The following TRMT10B variants were observed in gnomAD, a reference collection of about 807,000 sequenced individuals.
TRMT10B encodes the protein tRNA methyltransferase 10 homolog B.
Under a neutral mutation model 43.8 loss-of-function variants are expected in TRMT10B, and 33 were observed. The observed-to-expected ratio is 0.75, with a 90% CI of 0.57 to 1.01. TRMT10B has a LOEUF of 1.01. Ranked by LOEUF, TRMT10B falls within the 50% of genes least tolerant of loss-of-function variation. The probability of loss-of-function intolerance (pLI) is 0.00; values close to 1 mark genes in which losing one functional copy is unlikely to be tolerated. For synonymous variants in TRMT10B, 137 were observed against 130.6 expected, an observed-to-expected ratio of 1.05 and a Z score of -0.34; for missense variants, 362 against 369.8, an observed-to-expected ratio of 0.98 and a Z score of 0.17.
At chr9:37,754,447 T>C (rs1588993266) in intron 1 of TRMT10B, among the ~76,000 whole-genome samples, 1 of 152,170 alleles carries the variant, frequency 6.6e-6, no homozygotes, top group East Asian at 1.9e-4. Context: ...ACCTTAGTGA[T>C]CTGCATAGGT....
upstream of TRMT10B, among the ~76,000 whole-genome samples, chr9:37,753,258 A>C (rs1458518625): frequency 6.6e-6 from 1 of 152,356 alleles, no homozygotes; most frequent in Middle Eastern, 3.4e-3. Flanking sequence ...CAGTGAGACC[A>C]AGAATCCACC....
chr9:37,770,561 G>A, intron 6 of TRMT10B, 111 bp from the exon 7 acceptor site: 1 of 1,029,070 alleles, frequency 9.7e-7, no homozygotes, highest in Non-Finnish European at 1.4e-6. Context: ...GTTTCTTTTT[G>A]TTTTCTACTG....
chr9:37,762,781 A>G, intron 3 of TRMT10B, 96 bp downstream of exon 3: 1 of 1,401,352 alleles, frequency 7.1e-7, no homozygotes, highest in Non-Finnish European at 9.5e-7. Context: ...ATAAGTAAAA[A>G]GCATCTGGGA....
In TRMT10B at chr9:37,762,491, GAAAA is replaced by G. The variant is rs1398644219; in HGVS notation, c.187-83_187-80del. The G allele has an allele frequency of 4.0e-6, 6 of 1,493,634 alleles. No homozygotes were observed. In the East Asian group the frequency reaches 1.5e-4, roughly 37 times the overall value. 92.5% of individuals were successfully genotyped at this position (1,493,634 alleles called of 1,614,324 possible). A position where few individuals can be genotyped will look rare whatever the true frequency, so the allele number is the denominator to read the frequency against. On this transcript the variant is annotated intron_variant, in intron 2 of 8. Transcript: ENST00000297994. ...CTCTCCAAACTATATATATAAATAAGAAAAAAGCAAATGTTTCTAATGTTCATTT... is the reference window on the plus strand; with the variant it reads ...CTCTCCAAACTATATATATAAATAAGAAGCAAATGTTTCTAATGTTCATTT...
rs1828395269 is a variant in TRMT10B, at chr9:37,778,274, T to C, written c.*567T>C. Reference sequence around the variant, plus strand: ...GCTCACGCCTGTAATCCCAGCACTTTGGGAGGCTGAGGTGAGTGGATTACA... The same window carrying C: ...GCTCACGCCTGTAATCCCAGCACTTCGGGAGGCTGAGGTGAGTGGATTACA... On this transcript the variant is annotated 3_prime_UTR_variant, in exon 9 of 9. Transcript: ENST00000297994. 1 of 152,470 alleles carries C rather than the reference T, an allele frequency of 6.6e-6. No individual in the cohort carries two copies. The highest frequency in any genetic ancestry group is 2.1e-4 in the South Asian group (1 of 4,848). 9.4% of individuals were successfully genotyped at this position (152,470 alleles called of 1,614,324 possible).
intron 8 of TRMT10B, 68 bp downstream of exon 8, chr9:37,776,473 G>GC: frequency 6.6e-7 from 1 of 1,510,648 alleles, no homozygotes; most frequent in Non-Finnish European, 8.8e-7. Flanking sequence ...CTGTGTTTAA[G>GC]TGGCCTTTGA....
At chr9:37,777,395 T>TCCATTCA (rs2118950886) in intron 8 of TRMT10B, among the ~76,000 whole-genome samples, 1 of 150,348 alleles carries the variant, frequency 6.7e-6, no homozygotes, top group Admixed American at 6.7e-5. Flanking sequence ...TTGCACCCTA[T>TCCATTCA]CCATTCATAG....
Position 37,778,159 on chromosome 9 carries a change from T to C in TRMT10B, c.*452T>C, listed in dbSNP as rs1481968812. The C allele has an allele frequency of 1.2e-5, 2 of 160,530 alleles. No individual in the cohort carries two copies. The highest frequency in any genetic ancestry group is 4.8e-5 in the African/African-American group (2 of 41,494). The allele number at this position is 160,530 out of a possible 1,614,324, so 9.9% of individuals were successfully genotyped here. ...CTTCACAATAATGTCAGGGACCACA[T>C]TTAATGCTTTTTAATCTCCCATAGT... On this transcript the variant is annotated 3_prime_UTR_variant, in exon 9 of 9. Transcript: ENST00000297994.
chr9:37,777,560 T>TC (rs1194558883), intron 8 of TRMT10B, 41 bp from the exon 9 acceptor site: 3 of 1,490,752 alleles, frequency 2.0e-6, no homozygotes, highest in Admixed American at 3.4e-5. Flanking sequence ...GTTCTTTTTT[T>TC]CCCTCTGTGG....
At chr9:37,762,542 G>A in intron 2 of TRMT10B, 35 bp from the exon 3 acceptor site, 1 of 1,549,252 alleles carries the variant, frequency 6.5e-7, no homozygotes, top group Non-Finnish European at 8.7e-7. Context: ...TGCTTATGAA[G>A]TTCTCAAACA....
Position 37,767,970 on chromosome 9 carries a change from G to T in TRMT10B, c.421-106G>T, listed in dbSNP as rs975818405. 4 of 1,264,096 alleles carry T rather than the reference G, an allele frequency of 3.2e-6. No individual in the cohort carries two copies. The East Asian group carries it at 9.3e-5, about 29-fold the overall frequency. The allele number at this position is 1,264,096 out of a possible 1,614,324, so 78.3% of individuals were successfully genotyped here. A position where few individuals can be genotyped will look rare whatever the true frequency, so the allele number is the denominator to read the frequency against. On this transcript the variant is annotated intron_variant, in intron 4 of 8. Coordinates refer to ENST00000297994, the MANE Select transcript of TRMT10B (RefSeq NM_144964.4). ...GCACACATGTACTCCTAGTACATGG[G>T]GTTTTCTGGAGTAGCGTTCAGTGAA...
intron 5 of TRMT10B, 79 bp downstream of exon 5, chr9:37,768,307 CAT>C (rs1827203266): frequency 1.2e-5 from 17 of 1,425,372 alleles, no homozygotes; most frequent in Non-Finnish European, 1.6e-5. Context: ...TTTACTTTTT[CAT>C]ATATGTTACA....
intron 1 of TRMT10B, among the ~76,000 whole-genome samples, chr9:37,757,346 G>A (rs1433712541): frequency 2.6e-5 from 4 of 152,120 alleles, no homozygotes; most frequent in Non-Finnish European, 4.4e-5. Flanking sequence ...AAAGTGCTGC[G>A]ATTACAGGCA....
intron 7 of TRMT10B, among the ~76,000 whole-genome samples, chr9:37,773,956 T>TA (rs544100530): frequency 0.47 from 60,545 of 127,546 alleles, 14,040 homozygotes; most frequent in Middle Eastern, 0.59. Flanking sequence ...ACCCTGTCTC[T>TA]AAAAAAAAAA....
chr9:37,754,929 GAT>G (rs1314006204), intron 1 of TRMT10B, among the ~76,000 whole-genome samples: 1 of 151,972 alleles, frequency 6.6e-6, no homozygotes, highest in Non-Finnish European at 1.5e-5. Context: ...AAATTCATAA[GAT>G]AGGAAATACA....
intron 1 of TRMT10B, among the ~76,000 whole-genome samples, chr9:37,755,782 AGAAAG>A (rs373882896): frequency 1.7e-4 from 26 of 152,336 alleles, no homozygotes; most frequent in African/African-American, 4.8e-4. Flanking sequence ...GGAGGGGAAA[AGAAAG>A]GAAGGGAGTG....
At chr9:37,763,602 T>C (rs1028170897) in intron 3 of TRMT10B, 27 bp from the exon 4 acceptor site, 3 of 1,600,742 alleles carry the variant, frequency 1.9e-6, no homozygotes, top group Non-Finnish European at 2.6e-6. Flanking sequence ...TTTCCACTTT[T>C]ATTTCTTTCT....
Position 37,770,655 on chromosome 9 carries a change from CTTCA to C in TRMT10B, c.653-14_653-11del. 2 of 1,610,136 alleles carry C rather than the reference CTTCA, an allele frequency of 1.2e-6. No homozygotes were observed. Among genetic ancestry groups the C allele is most frequent in the Middle Eastern group, 1.7e-4 (1 of 5,720 alleles). On this transcript the variant is annotated splice_polypyrimidine_tract_variant and intron_variant, in intron 6 of 8. Coordinates refer to ENST00000297994, the MANE Select transcript of TRMT10B (RefSeq NM_144964.4). ...ATAAAACAGATTTGATCTCATTGGC[CTTCA>C]TTTTTTCATTAGCTCTTGAAGATGT...
chr9:37,764,696 T>C (rs1385557931), intron 4 of TRMT10B, among the ~76,000 whole-genome samples: 1 of 152,128 alleles, frequency 6.6e-6, no homozygotes, highest in East Asian at 1.9e-4. Flanking sequence ...AGTGCTGCGA[T>C]TACAGGCGTG....
Sources: gnomAD v4.1 joint callset for allele counts (sites outside exome capture counted in the v4.1 genomes callset) on GRCh38, gnomAD v4.1.1 for gene constraint, MANE v1.5 for transcripts, NCBI Gene and HGNC (gene_info 2026-07-23, HGNC 2026-07-21) for gene names.